Variants in DST observed in about 807,000 individuals in gnomAD.
DST encodes the protein bullous pemphigoid antigen.
In DST, 253 loss-of-function variants were observed where a neutral mutation model predicts 875.2. That is an observed-to-expected ratio of 0.29 (90% confidence interval 0.26 to 0.32). The LOEUF is 0.32. DST is among the 10% of genes least tolerant of loss of function. The pLI is 1.00. For synonymous variants in DST, 3,124 were observed against 3,197.1 expected, an observed-to-expected ratio of 0.98 and a Z score of 0.77; for missense variants, 8,287 against 9,111.6, an observed-to-expected ratio of 0.91 and a Z score of 3.68.
At chr6:56,510,719 C>G (rs189577559) in intron 73 of DST, among the ~76,000 whole-genome samples, 3 of 152,216 alleles carry the variant, frequency 2.0e-5, no homozygotes, top group Admixed American at 2.0e-4. Context: ...AATGGAAAAT[C>G]TTTGGGTATT....
intron 86 of DST, among the ~76,000 whole-genome samples, chr6:56,487,662 T>C (rs887859244): frequency 1.3e-5 from 2 of 152,232 alleles, no homozygotes; most frequent in African/African-American, 4.8e-5. Flanking sequence ...ATAGTCTTTC[T>C]ACACAACTCA....
At chr6:56,525,602 C>T (rs1377855810) in intron 69 of DST, among the ~76,000 whole-genome samples, 1 of 152,224 alleles carries the variant, frequency 6.6e-6, no homozygotes, top group Non-Finnish European at 1.5e-5. Flanking sequence ...CACACCATCA[C>T]AAGCTCTGCT....
chr6:56,778,629 T>G (rs199706381), intron 4 of DST, among the ~76,000 whole-genome samples: 15 of 148,542 alleles, frequency 1.0e-4, no homozygotes, highest in Non-Finnish European at 1.8e-4. Context: ...TGAGAACATG[T>G]GGTGTTTGGT....
intron 2 of DST, among the ~76,000 whole-genome samples, chr6:56,943,396 A>G (rs111985310): frequency 1.0e-4 from 15 of 150,574 alleles, no homozygotes; most frequent in Non-Finnish European, 2.1e-4. Context: ...AAAAAAAGTC[A>G]GGGATATTTT....
At chr6:56,820,421 A>G (rs1291257925) in intron 4 of DST, among the ~76,000 whole-genome samples, 1 of 152,180 alleles carries the variant, frequency 6.6e-6, no homozygotes, top group African/African-American at 2.4e-5. Flanking sequence ...ATTAAATTAC[A>G]TCAGCCTTCA....
intron 4 of DST, among the ~76,000 whole-genome samples, chr6:56,801,559 C>G (rs2099746874): frequency 6.6e-6 from 1 of 151,982 alleles, no homozygotes; most frequent in Non-Finnish European, 1.5e-5. Flanking sequence ...CTTCCCCACC[C>G]CAACCCGCCA....
Position 56,555,341 on chromosome 6 carries a change from A to G in DST, c.15136+4T>C. 6.4e-7 allele frequency: 1 copy of G among 1,561,782 alleles called. No homozygotes were observed. Among genetic ancestry groups the G allele is most frequent in the Non-Finnish European group, 8.7e-7 (1 of 1,155,386 alleles). On this transcript the variant is annotated splice_donor_region_variant and intron_variant, in intron 60 of 103. Transcript: ENST00000680361. Reference sequence around the variant, plus strand: ...GGAAATATATGTATTAAAAGTAGACAAACCTGCTTTCTGTTCAACATCCTT... The same window carrying G: ...GGAAATATATGTATTAAAAGTAGACGAACCTGCTTTCTGTTCAACATCCTT...
chr6:56,750,702 A>C (rs1050385898), intron 4 of DST, among the ~76,000 whole-genome samples: 4 of 152,238 alleles, frequency 2.6e-5, no homozygotes, highest in Non-Finnish European at 5.9e-5. Flanking sequence ...TAAAGAAGAA[A>C]GAATGAATGA....
Position 56,497,858 on chromosome 6 carries a change from G to A in DST, c.20092C>T (p.Gln6698Ter). 1 of 1,603,462 alleles carries A rather than the reference G, an allele frequency of 6.2e-7. No homozygotes were observed. Among genetic ancestry groups the A allele is most frequent in the Non-Finnish European group, 8.5e-7 (1 of 1,174,434 alleles). ...TCAGAATTTATTCTCTTACTCACCTGGCGCAAGGCACCATCCAGCTGCTGC... is the reference window on the plus strand; with the variant it reads ...TCAGAATTTATTCTCTTACTCACCTAGCGCAAGGCACCATCCAGCTGCTGC... ...RKQQLDGALR[Q>*]AKGFHGEIED... Residue 6698 changes from glutamine (Q) to a stop codon, truncating the protein, a stop_gained and splice_region_variant, in exon 81 of 104, where the codon CAG becomes TAG. Coordinates refer to ENST00000680361, the MANE Select transcript of DST (RefSeq NM_001374736.1). LOFTEE classifies it high-confidence loss of function.
Position 56,856,613 on chromosome 6 carries a change from T to C in DST, c.418-5009A>G, listed in dbSNP as rs147746827. Among the ~76,000 whole-genome samples, 8 of 152,224 alleles carry C rather than the reference T, an allele frequency of 5.3e-5. No homozygotes were observed. In the East Asian group the frequency reaches 1.4e-3, roughly 26 times the overall value. ...AACATACACACTCAAAAAGGAGGAATTGTTCTAGATTTAAAAGGACAAAAG... is the reference window on the plus strand; with the variant it reads ...AACATACACACTCAAAAAGGAGGAACTGTTCTAGATTTAAAAGGACAAAAG... On this transcript the variant is annotated intron_variant, in intron 3 of 103. Coordinates refer to ENST00000680361, the MANE Select transcript of DST (RefSeq NM_001374736.1).
intron 2 of DST, among the ~76,000 whole-genome samples, chr6:56,901,782 A>G (rs1203879114): frequency 6.6e-6 from 1 of 152,176 alleles, no homozygotes; most frequent in African/African-American, 2.4e-5. Context: ...GACAACTCAG[A>G]CAACGGAAAC....
At chr6:56,491,926 C>A (rs1583008801) in intron 85 of DST, among the ~76,000 whole-genome samples, 1 of 152,108 alleles carries the variant, frequency 6.6e-6, no homozygotes, top group Admixed American at 6.5e-5. Flanking sequence ...GAAAACAAAC[C>A]CAATAAAAAA....
chr6:56,628,161 C>G lies in DST; in HGVS notation c.4476G>C (p.Arg1492Ser), dbSNP rs745473392. 6.2e-7 allele frequency: 1 copy of G among 1,612,996 alleles called. No individual in the cohort carries two copies. The change falls in exon 33 of 104, where the codon AGG becomes AGC. Residue 1492 changes from arginine to serine, a missense_variant and splice_region_variant. Physicochemically the swap from Arg to Ser is moderately radical, Grantham distance 110 (BLOSUM62 -1). Coordinates refer to ENST00000680361, the MANE Select transcript of DST (RefSeq NM_001374736.1). Reference sequence around the variant, plus strand: ...TGCCAATGCCCTCTAAGTCCCGTAACCTAAGAGAATAGTAACCGAATAGTC... The same window carrying G: ...TGCCAATGCCCTCTAAGTCCCGTAAGCTAAGAGAATAGTAACCGAATAGTC... ...WQNVHVQIDN[R>S]LRDLEGIGKS...
At chr6:56,940,548 T>C (rs1418615969) in intron 2 of DST, among the ~76,000 whole-genome samples, 1 of 152,070 alleles carries the variant, frequency 6.6e-6, no homozygotes, top group Non-Finnish European at 1.5e-5. Flanking sequence ...GGCATCAAGT[T>C]GTACAGTATA....
chr6:56,600,937 C>T (rs2098440397), intron 44 of DST, among the ~76,000 whole-genome samples: 2 of 152,020 alleles, frequency 1.3e-5, no homozygotes, highest in Non-Finnish European at 2.9e-5. Context: ...TCAATGCTCA[C>T]AACACTAGCA....
chr6:56,582,691 C>T (rs1394668980), intron 49 of DST, among the ~76,000 whole-genome samples: 2 of 151,776 alleles, frequency 1.3e-5, no homozygotes, highest in East Asian at 3.9e-4. Flanking sequence ...GTGTGCTGCA[C>T]CCATTAACTC....
chr6:56,893,587 T>TA (rs1788956777), intron 3 of DST, among the ~76,000 whole-genome samples: 15 of 70,292 alleles, frequency 2.1e-4, no homozygotes, highest in Admixed American at 3.6e-4. Context: ...TTTTTTTTTT[T>TA]ATTTTTTTTT....
intron 4 of DST, among the ~76,000 whole-genome samples, chr6:56,805,504 T>A (rs914154863): frequency 1.3e-5 from 2 of 152,108 alleles, no homozygotes; most frequent in Non-Finnish European, 2.9e-5. Context: ...AAAAACACCT[T>A]CAGTATTTCC....
chr6:56,843,584 C>T (rs2099803231), intron 4 of DST: 1 of 983,906 alleles, frequency 1.0e-6, no homozygotes, highest in Non-Finnish European at 1.2e-6. Context: ...GGGCCGAGGC[C>T]GCGGCAGCGG....
Sources: allele counts gnomAD v4.1 joint callset (sites outside exome capture counted in the v4.1 genomes callset), GRCh38; gene constraint gnomAD v4.1.1; transcripts MANE v1.5; gene names NCBI Gene and HGNC (gene_info 2026-07-23, HGNC 2026-07-21).